Variants in FERMT2 observed in about 807,000 individuals in gnomAD.
FERMT2 encodes fermitin family homolog 2.
A neutral mutation model predicts 82.7 loss-of-function variants in FERMT2; 15 were observed. The ratio of observed to expected loss-of-function variants is 0.18; its 90% CI spans 0.12 to 0.28. The LOEUF is 0.28. FERMT2 is among the 10% of genes least tolerant of loss of function. The pLI, the probability that FERMT2 is intolerant of heterozygous loss-of-function variation, is 1.00. For missense variants in FERMT2, 645 were observed against 809.4 expected, an observed-to-expected ratio of 0.80 and a Z score of 2.46; for synonymous variants, 274 against 271.5, an observed-to-expected ratio of 1.01 and a Z score of -0.09.
chr14:52,906,249 G>A (rs1437487837), intron 3 of FERMT2, among the ~76,000 whole-genome samples: 1 of 152,060 alleles, frequency 6.6e-6, no homozygotes, highest in Non-Finnish European at 1.5e-5. Flanking sequence ...GTGTTTCCTG[G>A]AGTCTAGCTA....
chr14:52,930,169 A>G (rs1021624310), intron 2 of FERMT2, among the ~76,000 whole-genome samples: 5 of 152,244 alleles, frequency 3.3e-5, no homozygotes, highest in Non-Finnish European at 7.3e-5. Flanking sequence ...AATACTAACT[A>G]GAAGAGTGGC....
At chr14:52,894,470 T>C (rs1317267134) in intron 3 of FERMT2, among the ~76,000 whole-genome samples, 2 of 152,206 alleles carry the variant, frequency 1.3e-5, no homozygotes, top group Non-Finnish European at 2.9e-5. Context: ...GTCAAAGACA[T>C]TCTTAAAAAG....
chr14:52,869,343 A>G (rs1885471309), intron 10 of FERMT2, among the ~76,000 whole-genome samples: 2 of 152,222 alleles, frequency 1.3e-5, no homozygotes, highest in African/African-American at 4.8e-5. Flanking sequence ...TTTAAAAGCA[A>G]TAGTTTAAGT....
chr14:52,936,995 A>C (rs1889866898), intron 2 of FERMT2, among the ~76,000 whole-genome samples: 4 of 151,662 alleles, frequency 2.6e-5, no homozygotes, highest in Admixed American at 2.6e-4. Context: ...TCTCTACTAA[A>C]AAAAAAATAC....
intron 2 of FERMT2, among the ~76,000 whole-genome samples, chr14:52,933,311 C>A (rs565305162): frequency 2.3e-4 from 35 of 152,202 alleles, no homozygotes; most frequent in African/African-American, 8.4e-4. Context: ...GTTCAGGTCC[C>A]CAACATCTCT....
chr14:52,886,995 A>G (rs558714693), intron 4 of FERMT2, among the ~76,000 whole-genome samples: 10 of 152,374 alleles, frequency 6.6e-5, no homozygotes, highest in African/African-American at 2.2e-4. Context: ...CAATGTGTGT[A>G]TAACACAGTC....
At chr14:52,872,391 G>C (rs1885681797) in intron 10 of FERMT2, among the ~76,000 whole-genome samples, 1 of 152,030 alleles carries the variant, frequency 6.6e-6, no homozygotes, top group Non-Finnish European at 1.5e-5. Context: ...CCTTGCAGCT[G>C]GGTGTGGTGG....
At chr14:52,938,005 G>C (rs1209142331) in intron 2 of FERMT2, among the ~76,000 whole-genome samples, 2 of 152,116 alleles carry the variant, frequency 1.3e-5, no homozygotes, top group Non-Finnish European at 1.5e-5. Flanking sequence ...TAATCCTTAC[G>C]ACAACCCTAA....
At chr14:52,929,479 T>C (rs1385959168) in intron 2 of FERMT2, among the ~76,000 whole-genome samples, 2 of 152,162 alleles carry the variant, frequency 1.3e-5, no homozygotes, top group African/African-American at 4.8e-5. Flanking sequence ...AAAATCCAAA[T>C]GCCGTATCAG....
chr14:52,903,579 C>T (rs937021367), intron 3 of FERMT2, among the ~76,000 whole-genome samples: 2 of 151,012 alleles, frequency 1.3e-5, no homozygotes, highest in Admixed American at 6.6e-5. Flanking sequence ...AAAAAAAAAA[C>T]ACTACCAGGA....
intron 2 of FERMT2, among the ~76,000 whole-genome samples, chr14:52,939,757 A>T (rs1176215919): frequency 6.6e-6 from 1 of 152,136 alleles, no homozygotes; most frequent in African/African-American, 2.4e-5. Context: ...AACAGAAATC[A>T]TTGCCACCTT....
intron 3 of FERMT2, among the ~76,000 whole-genome samples, chr14:52,903,430 G>A (rs1449308861): frequency 6.6e-6 from 1 of 151,968 alleles, no homozygotes; most frequent in Non-Finnish European, 1.5e-5. Context: ...CTCAGCTACT[G>A]GAGAAGCTGA....
chr14:52,864,377 G>A (rs754998020), intron 12 of FERMT2, 24 bp downstream of exon 12: 26 of 1,542,018 alleles, frequency 1.7e-5, no homozygotes, highest in Non-Finnish European at 1.8e-6. Flanking sequence ...CAGCACAGTA[G>A]ATGAAGTAAA....
intron 2 of FERMT2, among the ~76,000 whole-genome samples, chr14:52,947,112 A>G (rs969138841): frequency 3.3e-5 from 5 of 152,248 alleles, no homozygotes; most frequent in African/African-American, 1.2e-4. Context: ...CCCAAAGCCC[A>G]CTTCATGACA....
intron 2 of FERMT2, among the ~76,000 whole-genome samples, chr14:52,932,082 T>C (rs1889609742): frequency 6.6e-6 from 1 of 152,176 alleles, no homozygotes; most frequent in Admixed American, 6.5e-5. Context: ...AATCTCTTTG[T>C]TTTATAGATG....
chr14:52,932,798 A>T (rs1413014440), intron 2 of FERMT2, among the ~76,000 whole-genome samples: 1 of 152,134 alleles, frequency 6.6e-6, no homozygotes, highest in South Asian at 2.1e-4. Flanking sequence ...TAGAGGGACA[A>T]CCCTCCCTTC....
chr14:52,893,283 A>C lies in FERMT2; in HGVS notation c.526+10T>G. 1 of 1,584,798 alleles carries C rather than the reference A, an allele frequency of 6.3e-7. No individual in the cohort carries two copies. The highest frequency in any genetic ancestry group is 8.5e-7 in the Non-Finnish European group (1 of 1,171,480). On this transcript the variant is annotated intron_variant, in intron 4 of 14. Coordinates refer to ENST00000341590, the MANE Select transcript of FERMT2 (RefSeq NM_006832.3). ...CTTACTTTGAGTCCATTGCTTGGTA[A>C]AAGTCTTACCTGATCCAGGAGTGAT...
At chr14:52,937,645 A>G (rs372884848) in intron 2 of FERMT2, among the ~76,000 whole-genome samples, 23 of 152,330 alleles carry the variant, frequency 1.5e-4, no homozygotes, top group Admixed American at 1.0e-3. Context: ...GCCTCACCAT[A>G]TAATAGTTGG....
intron 2 of FERMT2, among the ~76,000 whole-genome samples, chr14:52,942,406 C>T (rs530552180): frequency 6.6e-6 from 1 of 151,694 alleles, no homozygotes; most frequent in South Asian, 2.1e-4. Context: ...GGGTTCACAC[C>T]ATTCTCCAGC....
Sources: gnomAD v4.1 joint callset for allele counts (sites outside exome capture counted in the v4.1 genomes callset) on GRCh38, gnomAD v4.1.1 for gene constraint, MANE v1.5 for transcripts, NCBI Gene and HGNC (gene_info 2026-07-23, HGNC 2026-07-21) for gene names.